The following ARAP2 variants were observed in gnomAD, a reference collection of about 807,000 sequenced individuals.
ARAP2 encodes the protein ArfGAP with RhoGAP domain, ankyrin repeat and PH domain 2.
In ARAP2, 148 loss-of-function variants were observed where a neutral mutation model predicts 194.5. The observed-to-expected ratio is 0.76, with a 90% CI of 0.67 to 0.87. ARAP2 has a LOEUF of 0.87. Ranked by LOEUF, ARAP2 falls within the 40% of genes least tolerant of loss-of-function variation. The pLI is 0.00. For missense variants in ARAP2, 2,128 were observed against 1,989.7 expected (o/e 1.07, Z -1.32); for synonymous variants, 695 against 683.5 (o/e 1.02, Z -0.26).
At chr4:36,089,235 T>C (rs1248659541) in intron 28 of ARAP2, among the ~76,000 whole-genome samples, 1 of 152,124 alleles carries the variant, frequency 6.6e-6, no homozygotes, top group African/African-American at 2.4e-5. Flanking sequence ...ATGATACTAT[T>C]TTGTGTCAAG....
chr4:36,220,366 ACAC>A (rs1045076031), intron 2 of ARAP2, among the ~76,000 whole-genome samples: 3 of 152,138 alleles, frequency 2.0e-5, no homozygotes, highest in African/African-American at 7.2e-5. Flanking sequence ...AGCCATTGCA[ACAC>A]CACAGTACAA....
intron 1 of ARAP2, among the ~76,000 whole-genome samples, chr4:36,242,846 C>T (rs544402577): frequency 6.6e-6 from 1 of 152,182 alleles, no homozygotes. Context: ...CCTCTAGGTA[C>T]ATTTTAATTC....
intron 2 of ARAP2, among the ~76,000 whole-genome samples, chr4:36,218,381 C>A (rs1303262261): frequency 6.6e-6 from 1 of 152,028 alleles, no homozygotes; most frequent in Admixed American, 6.6e-5. Flanking sequence ...AGGCTTAGCA[C>A]CTGTGACACA....
At chr4:36,010,031 G>A (rs192277697) in intron 9 of ARAP2, among the ~76,000 whole-genome samples, 140 of 151,848 alleles carry the variant, frequency 9.2e-4, no homozygotes, top group Non-Finnish European at 9.9e-4. Context: ...GTTGTATACT[G>A]TACTCAAAAG....
chr4:36,008,765 A>G (rs1021079077), intron 9 of ARAP2, among the ~76,000 whole-genome samples: 2 of 151,994 alleles, frequency 1.3e-5, no homozygotes, highest in African/African-American at 4.8e-5. Context: ...AGATAACCTA[A>G]AGAATGAGAG....
chr4:36,209,340 T>C (rs775941209), intron 6 of ARAP2: 6 of 449,220 alleles, frequency 1.3e-5, no homozygotes, highest in Non-Finnish European at 2.7e-5. Flanking sequence ...GTCATCATAA[T>C]GTAACCAGAA....
exon 9 of ARAP2, chr4:36,012,648 T>C (rs1714772474): frequency 6.6e-6 from 1 of 152,226 alleles, no homozygotes; most frequent in African/African-American, 2.4e-5. Context: ...AAGGGCGGTG[T>C]AGCCTCTTAA....
rs1242806998 is a variant in ARAP2 at position 36,053,293 on chromosome 4, C to G, written n.322-1240G>C. On this transcript the variant is annotated intron_variant and non_coding_transcript_variant, in intron 2 of 12. Transcript: ENST00000503225. ...TGTTGGAATTACAGGCATGAGCCAC[C>G]GCGCCCGGCCCAGCATGCAGTTTTT... Among the ~76,000 whole-genome samples, 6 of 152,040 alleles carry G rather than the reference C, an allele frequency of 3.9e-5. No individual in the cohort carries two copies. In the South Asian group the frequency reaches 1.2e-3, roughly 32 times the overall value.
intron 9 of ARAP2, among the ~76,000 whole-genome samples, chr4:36,009,011 C>G (rs1217336457): frequency 2.6e-5 from 4 of 152,032 alleles, no homozygotes; most frequent in African/African-American, 9.7e-5. Context: ...CATCTCAAAC[C>G]AACAAGAATG....
At chr4:36,205,398 G>C (rs895745125) in intron 6 of ARAP2, among the ~76,000 whole-genome samples, 6 of 152,094 alleles carry the variant, frequency 3.9e-5, no homozygotes, top group African/African-American at 1.4e-4. Flanking sequence ...AGAGGTTGGA[G>C]GTAAGAAATG....
intron 2 of ARAP2, among the ~76,000 whole-genome samples, chr4:36,219,872 G>A (rs1039242029): frequency 6.6e-5 from 10 of 152,188 alleles, no homozygotes; most frequent in African/African-American, 2.4e-4. Context: ...GTTTCTCAAA[G>A]TTAAGCAAAA....
intron 15 of ARAP2, among the ~76,000 whole-genome samples, chr4:36,152,120 C>A (rs1731136089): frequency 6.6e-6 from 1 of 152,098 alleles, no homozygotes; most frequent in Non-Finnish European, 1.5e-5. Context: ...AACAGTGACA[C>A]CTAGAGAGCT....
intron 2 of ARAP2, among the ~76,000 whole-genome samples, chr4:36,227,919 C>T (rs1165026845): frequency 6.6e-6 from 1 of 152,156 alleles, no homozygotes; most frequent in African/African-American, 2.4e-5. Flanking sequence ...CCTCCTGTGA[C>T]CTCAGGATAC....
intron 20 of ARAP2, among the ~76,000 whole-genome samples, chr4:36,129,589 A>G (rs1393491083): frequency 6.6e-6 from 1 of 151,706 alleles, no homozygotes; most frequent in Non-Finnish European, 1.5e-5. Flanking sequence ...AACTTCCATG[A>G]TATCATAATT....
intron 1 of ARAP2, among the ~76,000 whole-genome samples, chr4:36,236,895 T>C (rs1312195856): frequency 6.6e-6 from 1 of 152,222 alleles, no homozygotes; most frequent in Non-Finnish European, 1.5e-5. Context: ...TTCTCTATAA[T>C]TGATCAGTTC....
chr4:36,166,808 A>G, intron 10 of ARAP2, 124 bp downstream of exon 10: 2 of 455,098 alleles, frequency 4.4e-6, no homozygotes, highest in Non-Finnish European at 7.5e-6. Flanking sequence ...ATTAGACAAT[A>G]TGGAAAAGTA....
intron 23 of ARAP2, 132 bp downstream of exon 23, chr4:36,121,047 T>C: frequency 3.1e-6 from 2 of 644,620 alleles, no homozygotes; most frequent in Non-Finnish European, 4.6e-6. Flanking sequence ...TAAAAAAATA[T>C]GACTATTCCT....
At chr4:36,017,589 C>G (rs1553863589) in intron 6 of ARAP2, among the ~76,000 whole-genome samples, 1 of 20,958 alleles carries the variant, frequency 4.8e-5, no homozygotes, top group Non-Finnish European at 9.2e-5. Flanking sequence ...AAAAAAAAAG[C>G]TTTCTGTGGA....
intron 13 of ARAP2, 64 bp downstream of exon 13, chr4:36,160,395 G>T: frequency 1.5e-6 from 2 of 1,356,984 alleles, no homozygotes; most frequent in Non-Finnish European, 1.9e-6. Context: ...TTTTTCTCAA[G>T]AATCTTGGCA....
Sources: allele counts gnomAD v4.1 joint callset (sites outside exome capture counted in the v4.1 genomes callset), GRCh38; gene constraint gnomAD v4.1.1; transcripts MANE v1.5; gene names NCBI Gene and HGNC (gene_info 2026-07-23, HGNC 2026-07-21).